The following CTNNA3 variants were observed in gnomAD, a reference collection of about 807,000 sequenced individuals.
CTNNA3 encodes catenin alpha-3.
In CTNNA3, 76 loss-of-function variants were observed where a neutral mutation model predicts 95.7. The ratio of observed to expected loss-of-function variants is 0.79; its 90% CI spans 0.66 to 0.96. The LOEUF is 0.96. CTNNA3 is among the 40% of genes least tolerant of loss of function. CTNNA3 has a pLI of 0.00. For missense variants in CTNNA3, 1,191 were observed against 1,089.8 expected (o/e 1.09, Z -1.31); for synonymous variants, 431 against 374.4 (o/e 1.15, Z -1.74).
chr10:66,775,367 A>G, intron 8 of CTNNA3, 77 bp downstream of exon 8: 2 of 976,072 alleles, frequency 2.0e-6, no homozygotes, highest in Non-Finnish European at 3.1e-6. Context: ...ACAAAACAAG[A>G]AACAAATATG....
chr10:67,165,881 G>T (rs1319509741), intron 7 of CTNNA3, among the ~76,000 whole-genome samples: 7 of 152,168 alleles, frequency 4.6e-5, no homozygotes, highest in Admixed American at 3.9e-4. Flanking sequence ...AAATTAGAAA[G>T]AGCTTGTTTC....
intron 7 of CTNNA3, among the ~76,000 whole-genome samples, chr10:67,157,516 G>T (rs1447113286): frequency 6.6e-6 from 1 of 152,048 alleles, no homozygotes. Flanking sequence ...CATATCTCTG[G>T]GCATCAATAG....
chr10:67,299,043 C>G (rs761380027), intron 5 of CTNNA3, among the ~76,000 whole-genome samples: 2 of 152,060 alleles, frequency 1.3e-5, no homozygotes, highest in African/African-American at 2.4e-5. Flanking sequence ...GGACTACAAG[C>G]ACGCACCACC....
chr10:67,103,701 G>C (rs1314894024), intron 7 of CTNNA3, among the ~76,000 whole-genome samples: 1 of 151,590 alleles, frequency 6.6e-6, no homozygotes, highest in Non-Finnish European at 1.5e-5. Flanking sequence ...ATTTTCAAAA[G>C]TGAGAAGAGA....
intron 1 of CTNNA3, among the ~76,000 whole-genome samples, chr10:67,722,781 C>T (rs1275820947): frequency 6.6e-6 from 1 of 152,056 alleles, no homozygotes; most frequent in Non-Finnish European, 1.5e-5. Flanking sequence ...TGCATGGTTT[C>T]ATAAATTAAG....
At chr10:67,292,015 T>C (rs1257278455) in intron 5 of CTNNA3, among the ~76,000 whole-genome samples, 1 of 152,222 alleles carries the variant, frequency 6.6e-6, no homozygotes, top group African/African-American at 2.4e-5. Context: ...ACAAAAAGTT[T>C]ACTACCTAAT....
intron 5 of CTNNA3, among the ~76,000 whole-genome samples, chr10:67,254,199 C>T: frequency 6.6e-6 from 1 of 151,238 alleles, no homozygotes; most frequent in African/African-American, 2.4e-5. Flanking sequence ...AAGAAATGCC[C>T]CAAAGTGGCC....
Position 67,538,260 on chromosome 10 carries a change from T to C in CTNNA3, c.459+1243A>G, listed in dbSNP as rs193195770. On this transcript the variant is annotated intron_variant, in intron 4 of 17. Transcript: ENST00000433211. ...GTACACAGAGAGGGTCACTCTAGCG[T>C]TAAAATAAGCAATAGTGAATACAAG... Among the ~76,000 whole-genome samples, 538 of 149,990 alleles carry C rather than the reference T, an allele frequency of 3.6e-3. 6 individuals are homozygous for C. Among genetic ancestry groups the C allele is most frequent in the African/African-American group, 0.012 (496 of 40,794 alleles).
In CTNNA3 at chr10:67,098,015, TAAAC is replaced by T. The variant is rs558469332; in HGVS notation, c.1047+82298_1047+82301del. 1.6e-3 allele frequency: 878 copies of T among 563,222 alleles called. 2 individuals are homozygous for T. The highest frequency in any genetic ancestry group is 0.015 in the African/African-American group (786 of 53,002). The allele number at this position is 563,222 out of a possible 1,614,324, so 34.9% of individuals were successfully genotyped here. The stretch of plus-strand genomic sequence containing the variant: ...CTAAGTTGTGCAGTATTTTTTGACT[TAAAC>T]AGAGTATGACCCTGAAAAATAAAAG... On this transcript the variant is annotated intron_variant, in intron 7 of 17. Coordinates refer to ENST00000433211, the MANE Select transcript of CTNNA3 (RefSeq NM_013266.4).
At chr10:65,971,138 A>C (rs1177402867) in intron 16 of CTNNA3, among the ~76,000 whole-genome samples, 1 of 151,960 alleles carries the variant, frequency 6.6e-6, no homozygotes, top group Non-Finnish European at 1.5e-5. Context: ...ACAACATATA[A>C]AAATCTCTAG....
chr10:67,042,498 GAGTCA>G (rs747913264), intron 7 of CTNNA3, among the ~76,000 whole-genome samples: 61 of 152,222 alleles, frequency 4.0e-4, no homozygotes, highest in Non-Finnish European at 7.9e-4. Flanking sequence ...GAGAGATTTG[GAGTCA>G]TATATGTATA....
intron 5 of CTNNA3, among the ~76,000 whole-genome samples, chr10:67,250,099 T>C (rs1201236294): frequency 6.6e-6 from 1 of 152,218 alleles, no homozygotes; most frequent in African/African-American, 2.4e-5. Flanking sequence ...TCAGATTCAG[T>C]TGACCCTTGA....
At chr10:67,230,371 A>G (rs1466872907) in intron 5 of CTNNA3, among the ~76,000 whole-genome samples, 2 of 152,148 alleles carry the variant, frequency 1.3e-5, no homozygotes, top group African/African-American at 4.8e-5. Context: ...TAAAAACTCT[A>G]TACGATAACA....
chr10:66,038,888 T>C (rs1189838814), intron 15 of CTNNA3, among the ~76,000 whole-genome samples: 1 of 152,192 alleles, frequency 6.6e-6, no homozygotes, highest in African/African-American at 2.4e-5. Flanking sequence ...TTGAAAATCT[T>C]AGTCAGAGCT....
chr10:66,346,424 A>G (rs1349246028), intron 12 of CTNNA3, among the ~76,000 whole-genome samples: 1 of 151,440 alleles, frequency 6.6e-6, no homozygotes, highest in Non-Finnish European at 1.5e-5. Context: ...GACTACACAC[A>G]TGCACCACCA....
intron 10 of CTNNA3, among the ~76,000 whole-genome samples, chr10:66,579,122 T>A (rs1389698953): frequency 6.6e-6 from 1 of 151,820 alleles, no homozygotes; most frequent in Non-Finnish European, 1.5e-5. Context: ...TTTGTGTGCA[T>A]ACAGCTGTTC....
intron 13 of CTNNA3, among the ~76,000 whole-genome samples, chr10:66,228,695 T>G (rs2089443202): frequency 1.3e-5 from 2 of 152,124 alleles, no homozygotes. Flanking sequence ...TTTCTTTGAT[T>G]TTTTGTCTAA....
chr10:67,239,750 G>C (rs16924261), intron 5 of CTNNA3, among the ~76,000 whole-genome samples: 5,412 of 152,224 alleles, frequency 0.036, 202 homozygotes, highest in South Asian at 0.18. Context: ...GTATAAACTA[G>C]CTATGGACTG....
chr10:67,352,230 T>A (rs2394368), intron 5 of CTNNA3, among the ~76,000 whole-genome samples: 1 of 151,814 alleles, frequency 6.6e-6, no homozygotes, highest in Admixed American at 6.6e-5. Context: ...ATCCTAGGAC[T>A]CCCTAAATCT....
Sources: allele counts gnomAD v4.1 joint callset (sites outside exome capture counted in the v4.1 genomes callset), GRCh38; gene constraint gnomAD v4.1.1; transcripts MANE v1.5; gene names NCBI Gene and HGNC (gene_info 2026-07-23, HGNC 2026-07-21).